Variants in CSMD1 observed in about 807,000 individuals in gnomAD.
CSMD1 encodes the protein CUB and sushi domain-containing protein 1.
Under a neutral mutation model 417.5 loss-of-function variants are expected in CSMD1, and 213 were observed. The observed-to-expected ratio is 0.51, with a 90% confidence interval of 0.46 to 0.57. CSMD1 has a LOEUF of 0.57. Ranked by LOEUF, CSMD1 falls within the 20% of genes least tolerant of loss-of-function variation. The pLI is 0.00. For synonymous variants in CSMD1, 2,862 were observed against 1,736.8 expected, an observed-to-expected ratio of 1.65 and a Z score of -16.11; for missense variants, 6,923 against 4,529.7, an observed-to-expected ratio of 1.53 and a Z score of -15.17.
intron 33 of CSMD1, 72 bp downstream of exon 33, chr8:3,199,642 C>T: frequency 1.1e-6 from 1 of 943,176 alleles, no homozygotes; most frequent in Non-Finnish European, 1.5e-6. Context: ...AGTGCTTTGT[C>T]TGAGACTAGC....
chr8:4,754,062 A>T (rs1369509734), intron 1 of CSMD1, among the ~76,000 whole-genome samples: 1 of 152,214 alleles, frequency 6.6e-6, no homozygotes, highest in Non-Finnish European at 1.5e-5. Context: ...GGAAAAATGT[A>T]TGCGTTGCTC....
At position 4,187,060 on chromosome 8, in the gene CSMD1, G is replaced by C. The variant is rs577692277; in HGVS notation, c.416-154961C>G. Among the ~76,000 whole-genome samples, 10 of 152,154 alleles carry C rather than the reference G, an allele frequency of 6.6e-5. No homozygotes were observed. The East Asian group carries it at 1.9e-3, about 29-fold the overall frequency. Reference sequence around the variant, plus strand: ...AGTTTTAATGCCCATATAAATGTTTGCTCAAATTGAAACAAACATTATCTC... The same window carrying C: ...AGTTTTAATGCCCATATAAATGTTTCCTCAAATTGAAACAAACATTATCTC... On this transcript the variant is annotated intron_variant, in intron 3 of 69. Coordinates refer to ENST00000635120, the MANE Select transcript of CSMD1 (RefSeq NM_033225.6).
intron 68 of CSMD1, among the ~76,000 whole-genome samples, chr8:2,943,360 T>A (rs575655949): frequency 0.012 from 1,889 of 152,134 alleles, 31 homozygotes; most frequent in South Asian, 0.027. Flanking sequence ...CCCAAGTAGC[T>A]GGGATGACAG....
chr8:3,738,683 G>T (rs1272660383), intron 6 of CSMD1, among the ~76,000 whole-genome samples: 1 of 152,164 alleles, frequency 6.6e-6, no homozygotes, highest in Non-Finnish European at 1.5e-5. Flanking sequence ...TCTTTCTACT[G>T]AATGCACACA....
intron 1 of CSMD1, among the ~76,000 whole-genome samples, chr8:4,877,937 A>G (rs528818871): frequency 5.3e-4 from 80 of 152,088 alleles, no homozygotes; most frequent in Non-Finnish European, 9.6e-4. Context: ...AAAGGGACCT[A>G]CCCAAACAGA....
chr8:4,138,534 G>C (rs944182339), intron 3 of CSMD1, among the ~76,000 whole-genome samples: 8 of 152,102 alleles, frequency 5.3e-5, no homozygotes, highest in African/African-American at 2.4e-5. Context: ...TTTGAGGAAA[G>C]TGATGGCTAT....
chr8:3,100,861 GAGA>G (rs952571832), intron 46 of CSMD1, among the ~76,000 whole-genome samples: 3 of 152,048 alleles, frequency 2.0e-5, no homozygotes, highest in African/African-American at 7.2e-5. Context: ...GACAGAATTG[GAGA>G]AGGTGAGCCC....
intron 10 of CSMD1, among the ~76,000 whole-genome samples, chr8:3,538,151 C>G (rs1031723990): frequency 1.2e-4 from 18 of 152,318 alleles, no homozygotes; most frequent in African/African-American, 4.3e-4. Flanking sequence ...AGATTTACAT[C>G]TTTACTTGAA....
At chr8:4,829,353 A>C (rs1482320605) in intron 1 of CSMD1, among the ~76,000 whole-genome samples, 3 of 152,220 alleles carry the variant, frequency 2.0e-5, no homozygotes, top group African/African-American at 4.8e-5. Flanking sequence ...ACGTGTCTAT[A>C]CTGGGCAACA....
At chr8:3,342,946 C>G (rs2117610042) in intron 23 of CSMD1, among the ~76,000 whole-genome samples, 1 of 152,006 alleles carries the variant, frequency 6.6e-6, no homozygotes, top group African/African-American at 2.4e-5. Flanking sequence ...CCGGTTGTAT[C>G]AAACATCTCT....
chr8:3,650,224 CCT>C (rs1213700603), intron 7 of CSMD1, among the ~76,000 whole-genome samples: 1 of 151,858 alleles, frequency 6.6e-6, no homozygotes, highest in Non-Finnish European at 1.5e-5. Flanking sequence ...TTTGCAATGA[CCT>C]GAGATTGCTT....
chr8:3,904,127 G>A (rs771470502), intron 5 of CSMD1, among the ~76,000 whole-genome samples: 1 of 152,010 alleles, frequency 6.6e-6, no homozygotes, highest in African/African-American at 2.4e-5. Flanking sequence ...ATTCGGCCTT[G>A]TAATTATATT....
At chr8:4,546,370 C>T (rs1002911200) in intron 2 of CSMD1, among the ~76,000 whole-genome samples, 1 of 152,148 alleles carries the variant, frequency 6.6e-6, no homozygotes, top group Non-Finnish European at 1.5e-5. Context: ...TAAAAGATTG[C>T]TTCTGAGTGT....
chr8:4,754,479 T>C (rs1811541409), intron 1 of CSMD1, among the ~76,000 whole-genome samples: 1 of 152,044 alleles, frequency 6.6e-6, no homozygotes, highest in Admixed American at 6.5e-5. Context: ...ATGCATGCAA[T>C]TTTTGCACTT....
intron 12 of CSMD1, among the ~76,000 whole-genome samples, chr8:3,450,336 G>C (rs74685901): frequency 0.023 from 3,473 of 151,642 alleles, 235 homozygotes; most frequent in East Asian, 0.2. Context: ...TATGCTTTCA[G>C]TTTTAGGGTA....
chr8:3,604,959 T>C (rs1253825738), intron 8 of CSMD1, among the ~76,000 whole-genome samples: 1 of 152,184 alleles, frequency 6.6e-6, no homozygotes, highest in East Asian at 1.9e-4. Flanking sequence ...TTCCCTCATT[T>C]CTTCATCATT....
At chr8:3,922,264 G>T (rs1363300858) in intron 5 of CSMD1, among the ~76,000 whole-genome samples, 1 of 151,650 alleles carries the variant, frequency 6.6e-6, no homozygotes, top group East Asian at 1.9e-4. Flanking sequence ...ACCTATGTGT[G>T]CTCTTAAAAA....
At chr8:3,100,663 T>A (rs1444587088) in intron 46 of CSMD1, among the ~76,000 whole-genome samples, 1 of 152,196 alleles carries the variant, frequency 6.6e-6, no homozygotes, top group African/African-American at 2.4e-5. Context: ...TTCTGCACAA[T>A]GTTAGTGCCC....
intron 3 of CSMD1, among the ~76,000 whole-genome samples, chr8:4,212,174 T>TTTTATA (rs1310943114): frequency 4.1e-5 from 6 of 145,716 alleles, no homozygotes; most frequent in African/African-American, 1.5e-4. Context: ...ACTTCCCTAT[T>TTTTATA]TATATATATA....
Sources: allele counts gnomAD v4.1 joint callset (sites outside exome capture counted in the v4.1 genomes callset), GRCh38; gene constraint gnomAD v4.1.1; transcripts MANE v1.5; gene names NCBI Gene and HGNC (gene_info 2026-07-23, HGNC 2026-07-21).